SLC6A4: variants seen among roughly 807,000 people sequenced by gnomAD.
SLC6A4 encodes the protein sodium-dependent serotonin transporter.
SLC6A4 carries 22 observed loss-of-function variants against 73.4 expected under a neutral mutation model. The ratio of observed to expected loss-of-function variants is 0.30; its 90% CI spans 0.21 to 0.43. The LOEUF is 0.43. Among genes scored for constraint, SLC6A4 ranks in the 20% least tolerant of loss-of-function variants. The pLI, the probability that SLC6A4 is intolerant of heterozygous loss-of-function variation, is 1.00. For synonymous variants in SLC6A4, 270 were observed against 315.5 expected (o/e 0.86, Z 1.53); for missense variants, 593 against 808.5 (o/e 0.73, Z 3.23).
chr17:30,218,780 C>G lies in SLC6A4; in HGVS notation c.478+17G>C. Reference sequence around the variant, plus strand: ...TGAGAGGCTCCACTTACCCACCCCACCGAGCCCTTCAGTTACCTTTGAAAA... The same window carrying G: ...TGAGAGGCTCCACTTACCCACCCCAGCGAGCCCTTCAGTTACCTTTGAAAA... On this transcript the variant is annotated intron_variant, in intron 4 of 14. Transcript: ENST00000650711. The G allele has an allele frequency of 1.2e-6, 2 of 1,613,802 alleles. No individual in the cohort carries two copies. The highest frequency in any genetic ancestry group is 1.7e-6 in the Non-Finnish European group (2 of 1,179,800).
At chr17:30,214,231 T>C (rs1906477316) in intron 8 of SLC6A4, among the ~76,000 whole-genome samples, 2 of 151,966 alleles carry the variant, frequency 1.3e-5, no homozygotes, top group Non-Finnish European at 2.9e-5. Context: ...GAGACCAGCC[T>C]GACCAACATG....
At chr17:30,227,024 G>A (rs187641545) in intron 1 of SLC6A4, among the ~76,000 whole-genome samples, 8 of 152,346 alleles carry the variant, frequency 5.3e-5, no homozygotes, top group Non-Finnish European at 1.0e-4. Flanking sequence ...CACACATCCC[G>A]TGGTGAACAG....
At chr17:30,203,095 G>C (rs1652850200) in intron 14 of SLC6A4, 77 bp downstream of exon 14, 1 of 1,209,296 alleles carries the variant, frequency 8.3e-7, no homozygotes, top group Admixed American at 1.9e-5. Context: ...TTTGAATAGA[G>C]CATAACAAGA....
At chr17:30,219,001 C>A in intron 3 of SLC6A4, 70 bp from the exon 4 acceptor site, 1 of 1,582,260 alleles carries the variant, frequency 6.3e-7, no homozygotes, top group South Asian at 1.1e-5. Context: ...CAATCTGTGA[C>A]TGAGAATCAC....
chr17:30,226,387 T>A (rs1013614729), intron 1 of SLC6A4, among the ~76,000 whole-genome samples: 1 of 152,218 alleles, frequency 6.6e-6, no homozygotes, highest in Non-Finnish European at 1.5e-5. Context: ...TAGGCCCACA[T>A]GTGCTCGGCT....
Position 30,209,253 on chromosome 17 carries a change from G to A in SLC6A4, c.1450-11C>T, listed in dbSNP as rs1906307159. The A allele has an allele frequency of 1.3e-6, 2 of 1,571,436 alleles. No individual in the cohort carries two copies. The highest frequency in any genetic ancestry group is 1.1e-5 in the South Asian group (1 of 90,248). On this transcript the variant is annotated splice_polypyrimidine_tract_variant and intron_variant, in intron 11 of 14. Coordinates refer to ENST00000650711, the MANE Select transcript of SLC6A4 (RefSeq NM_001045.6). ...CACGTAGGCCCCTCCCTGGAGGGGA[G>A]AGCAGAGCCTGGGTGAGGGCCCTCC... is the stretch of plus-strand genomic sequence containing the variant.
chr17:30,228,669 G>A (rs541699048), intron 1 of SLC6A4, among the ~76,000 whole-genome samples: 17 of 152,330 alleles, frequency 1.1e-4, no homozygotes, highest in Admixed American at 1.0e-3. Context: ...AGTGCCGTGT[G>A]CGTCCCCACC....
At chr17:30,218,733 C>A in intron 4 of SLC6A4, 64 bp downstream of exon 4, 1 of 1,573,916 alleles carries the variant, frequency 6.4e-7, no homozygotes, top group South Asian at 1.1e-5. Flanking sequence ...CCAGCTCCCA[C>A]CCACTGATGG....
chr17:30,214,422 C>A (rs866695178), intron 8 of SLC6A4, among the ~76,000 whole-genome samples: 604 of 79,330 alleles, frequency 7.6e-3, no homozygotes, highest in South Asian at 0.013. Context: ...AACTCCGTCT[C>A]AAAAAAAAAA....
chr17:30,212,610 C>CA, intron 9 of SLC6A4, 130 bp downstream of exon 9: 2 of 1,056,478 alleles, frequency 1.9e-6, no homozygotes, highest in South Asian at 3.0e-5. Flanking sequence ...TCTTGAACTC[C>CA]ACCATGCCCA....
intron 14 of SLC6A4, among the ~76,000 whole-genome samples, chr17:30,202,971 T>C (rs1286285398): frequency 1.3e-5 from 2 of 152,238 alleles, no homozygotes; most frequent in Non-Finnish European, 2.9e-5. Flanking sequence ...TCTTTTGCCC[T>C]TGCATTTGAG....
At position 30,218,786 on chromosome 17, in the gene SLC6A4, C is replaced by T. The variant is rs60956948; in HGVS notation, c.478+11G>A. 5.0e-6 allele frequency: 8 copies of T among 1,613,914 alleles called. No homozygotes were observed. The African/African-American group carries it at 8.0e-5, about 16-fold the overall frequency. On this transcript the variant is annotated intron_variant, in intron 4 of 14. Transcript: ENST00000650711. Reference sequence around the variant, plus strand: ...GCTCCACTTACCCACCCCACCGAGCCCTTCAGTTACCTTTGAAAATCGGGC... The same window carrying T: ...GCTCCACTTACCCACCCCACCGAGCTCTTCAGTTACCTTTGAAAATCGGGC...
In SLC6A4 at chr17:30,203,328, G is replaced by A. The variant is rs751132654; in HGVS notation, c.1662C>T (p.Cys554=). ...GTTGTGGCGGGCTCATCAGAAAACT[G>A]CAAATGATGAACTAAAACAGAAATT... ...ISPLFLLFII[C]SFLMSPPQLR... is the part of the protein sequence containing the mutation. Residue 554 remains cysteine, a synonymous_variant, in exon 14 of 15, where the codon TGC becomes TGT. Coordinates refer to ENST00000650711, the MANE Select transcript of SLC6A4 (RefSeq NM_001045.6). 5 of 1,612,936 alleles carry A rather than the reference G, an allele frequency of 3.1e-6. No individual in the cohort carries two copies. Among genetic ancestry groups the A allele is most frequent in the Non-Finnish European group, 4.2e-6 (5 of 1,179,524 alleles).
chr17:30,201,138 A>C (rs1407274939), intron 14 of SLC6A4, among the ~76,000 whole-genome samples: 1 of 152,178 alleles, frequency 6.6e-6, no homozygotes, highest in South Asian at 2.1e-4. Flanking sequence ...ACCTGACTAC[A>C]TAAACTTTTT....
chr17:30,233,281 T>C (rs1004488063), intron 1 of SLC6A4, among the ~76,000 whole-genome samples: 1 of 152,112 alleles, frequency 6.6e-6, no homozygotes, highest in Non-Finnish European at 1.5e-5. Context: ...CAGCCCAAAT[T>C]TGTGCTGCCT....
At chr17:30,221,290 C>G (rs183308082) in intron 3 of SLC6A4, among the ~76,000 whole-genome samples, 1 of 152,222 alleles carries the variant, frequency 6.6e-6, no homozygotes, top group Admixed American at 6.5e-5. Flanking sequence ...TTTGACTTTT[C>G]TACCAGCTCG....
At chr17:30,214,057 T>C (rs2143014594) in intron 8 of SLC6A4, among the ~76,000 whole-genome samples, 1 of 152,206 alleles carries the variant, frequency 6.6e-6, no homozygotes, top group South Asian at 2.1e-4. Context: ...CAGTGGGTGA[T>C]ATTTAAAACC....
intron 1 of SLC6A4, among the ~76,000 whole-genome samples, chr17:30,225,579 G>T (rs966212372): frequency 1.3e-5 from 2 of 152,166 alleles, no homozygotes; most frequent in Non-Finnish European, 2.9e-5. Context: ...CAATATTACA[G>T]CTGTGACCTT....
chr17:30,207,910 A>G, intron 12 of SLC6A4, 78 bp from the exon 13 acceptor site: 1 of 1,026,876 alleles, frequency 9.7e-7, no homozygotes, highest in South Asian at 1.4e-5. Context: ...ATTCTCTGGG[A>G]GAGTCAGAGT....
Sources: allele counts gnomAD v4.1 joint callset (sites outside exome capture counted in the v4.1 genomes callset), GRCh38; gene constraint gnomAD v4.1.1; transcripts MANE v1.5; gene names NCBI Gene and HGNC (gene_info 2026-07-23, HGNC 2026-07-21).